The following KCTD7 variants were observed in gnomAD, a reference collection of about 807,000 sequenced individuals.
KCTD7 encodes BTB/POZ domain-containing protein KCTD7.
Under a neutral mutation model 27.0 loss-of-function variants are expected in KCTD7, and 15 were observed. That is an observed-to-expected ratio of 0.56 (90% CI 0.37 to 0.86). KCTD7 has a LOEUF of 0.86. Among genes scored for constraint, KCTD7 ranks in the 40% least tolerant of loss-of-function variants. The pLI is 0.00. For missense variants in KCTD7, 299 were observed against 398.9 expected (o/e 0.75, Z 2.13); for synonymous variants, 159 against 162.7 (o/e 0.98, Z 0.17).
chr7:66,633,351 A>G lies in KCTD7; in HGVS notation c.221A>G (p.Asp74Gly), dbSNP rs776125299. 6.2e-7 allele frequency: 1 copy of G among 1,613,968 alleles called. No homozygotes were observed. Among genetic ancestry groups the G allele is most frequent in the East Asian group, 2.2e-5 (1 of 44,872 alleles). Residue 74 changes from aspartate (D) to glycine (G), a missense_variant, in exon 2 of 4, where the codon GAC becomes GGC. Physicochemically the swap from Asp to Gly is moderately conservative, Grantham distance 94. Coordinates refer to ENST00000639828, the MANE Select transcript of KCTD7 (RefSeq NM_153033.5). The part of the protein sequence containing the change: ...TRLSTLRCYE[D>G]TMLAAMFSGR... ...CTGTCCACACTGCGGTGCTACGAAG[A>G]CACCATGTTGGCAGCCATGTTCAGT... is the stretch of plus-strand genomic sequence containing the variant.
In KCTD7 at chr7:66,641,641, A is replaced by C. The variant is rs1786720205; in HGVS notation, c.*2409A>C. On this transcript the variant is annotated 3_prime_UTR_variant, in exon 4 of 4. Transcript: ENST00000639828. ...TGTATTCTGTGCCACTGTAGGACAC[A>C]AGGCTCTGGGCCAGTAGAACAGGCA... 1.0e-6 allele frequency: 1 copy of C among 985,324 alleles called. No homozygotes were observed. Among genetic ancestry groups the C allele is most frequent in the Non-Finnish European group, 1.2e-6 (1 of 829,946 alleles). The allele number at this position is 985,324 out of a possible 1,614,324, so 61.0% of individuals were successfully genotyped here. A position where few individuals can be genotyped will look rare whatever the true frequency, so the allele number is the denominator to read the frequency against.
At position 66,633,574 on chromosome 7, in the gene KCTD7, G is replaced by T. The variant is rs1351671463; in HGVS notation, c.314+130G>T. The stretch of plus-strand genomic sequence containing the variant: ...GCATATTGATGAAATTTAATAAATG[G>T]GTTTATTGAAAGAGATCAATTTTTT... On this transcript the variant is annotated intron_variant, in intron 2 of 3. Transcript: ENST00000639828. 5 of 943,702 alleles carry T rather than the reference G, an allele frequency of 5.3e-6. No homozygotes were observed. The South Asian group carries it at 7.1e-5, about 13-fold the overall frequency. 58.5% of individuals were successfully genotyped at this position (943,702 alleles called of 1,614,324 possible).
Position 66,639,295 on chromosome 7 carries a change from G to T in KCTD7, c.*63G>T, listed in dbSNP as rs1037925062. On this transcript the variant is annotated 3_prime_UTR_variant, in exon 4 of 4. Transcript: ENST00000639828. ...TCCACCTTGCTTGGTGGCTCTGGGAGTAAGATCCCTGAAGGGGCTGCTGAC... is the reference window on the plus strand; with the variant it reads ...TCCACCTTGCTTGGTGGCTCTGGGATTAAGATCCCTGAAGGGGCTGCTGAC... 32 of 1,599,724 alleles carry T rather than the reference G, an allele frequency of 2.0e-5. No individual in the cohort carries two copies. The highest frequency in any genetic ancestry group is 3.3e-5 in the Admixed American group (2 of 59,984).
rs146147853 is a variant in KCTD7 at position 66,633,174 on chromosome 7, T to C, written c.145-101T>C. 37 of 1,209,042 alleles carry C rather than the reference T, an allele frequency of 3.1e-5. No individual in the cohort carries two copies. In the African/African-American group the frequency reaches 5.4e-4, roughly 18 times the overall value. The allele number at this position is 1,209,042 out of a possible 1,614,324, so 74.9% of individuals were successfully genotyped here. ...GGACCCGTGGGCTTGAGTGACTGAATGAATGGTGTGGCACCAATCAGACCC... is the reference window on the plus strand; with the variant it reads ...GGACCCGTGGGCTTGAGTGACTGAACGAATGGTGTGGCACCAATCAGACCC... On this transcript the variant is annotated intron_variant, in intron 1 of 3. Transcript: ENST00000639828.
chr7:66,632,597 T>C (rs1786477744), intron 1 of KCTD7, among the ~76,000 whole-genome samples: 1 of 152,034 alleles, frequency 6.6e-6, no homozygotes, highest in Non-Finnish European at 1.5e-5. Context: ...ACTTGCCATA[T>C]AGACAGAAGA....
Position 66,641,933 on chromosome 7 carries a change from GCTT to G in KCTD7, c.*2704_*2706del. 1.0e-6 allele frequency: 1 copy of G among 985,278 alleles called. No individual in the cohort carries two copies. Among genetic ancestry groups the G allele is most frequent in the Non-Finnish European group, 1.2e-6 (1 of 829,934 alleles). 61.0% of individuals were successfully genotyped at this position (985,278 alleles called of 1,614,324 possible). ...GGAAGGAAGGCTCCAAAGGATGAAA[GCTT>G]CTCCCTGATCATAAGGAAGTGCATC... On this transcript the variant is annotated 3_prime_UTR_variant, in exon 4 of 4. Coordinates refer to ENST00000639828, the MANE Select transcript of KCTD7 (RefSeq NM_153033.5).
At position 66,629,369 on chromosome 7, in the gene KCTD7, T is replaced by TTCACCCCTACCCACCC. The variant is rs1786392805; in HGVS notation, c.144+161_144+162insTCACCCCTACCCACCC. On this transcript the variant is annotated intron_variant, in intron 1 of 3. Transcript: ENST00000639828. ...CCCACCTGCAACTCCCCCGCCCACC[T>TTCACCCCTACCCACCC]GCACCCCTACCCACCCACCTTCAAC... 5.1e-5 allele frequency among the ~76,000 whole-genome samples: 3 copies of TTCACCCCTACCCACCC among 59,054 alleles called. No homozygotes were observed. The East Asian group carries it at 1.2e-3, about 23-fold the overall frequency. 38.7% of individuals were successfully genotyped at this position (59,054 alleles called of 152,430 possible).
Position 66,641,143 on chromosome 7 carries a change from C to G in KCTD7, c.*1911C>G, listed in dbSNP as rs565110569. ...TCATTCACGTTCTGAGATATGCGCT[C>G]TCTCTATTGTTCTCGTACACAAAGG... is the stretch of plus-strand genomic sequence containing the variant. On this transcript the variant is annotated 3_prime_UTR_variant, in exon 4 of 4. Coordinates refer to ENST00000639828, the MANE Select transcript of KCTD7 (RefSeq NM_153033.5). 3.0e-6 allele frequency: 3 copies of G among 985,428 alleles called. No homozygotes were observed. The highest frequency in any genetic ancestry group is 9.4e-5 in the South Asian group (2 of 21,286). The allele number at this position is 985,428 out of a possible 1,614,324, so 61.0% of individuals were successfully genotyped here. A position where few individuals can be genotyped will look rare whatever the true frequency, so the allele number is the denominator to read the frequency against.
rs1312738780 is a variant in KCTD7 at position 66,641,038 on chromosome 7, A to G, written c.*1806A>G. 2.0e-6 allele frequency: 2 copies of G among 985,286 alleles called. No individual in the cohort carries two copies. Among genetic ancestry groups the G allele is most frequent in the Non-Finnish European group, 1.2e-6 (1 of 829,956 alleles). 61.0% of individuals were successfully genotyped at this position (985,286 alleles called of 1,614,324 possible). On this transcript the variant is annotated 3_prime_UTR_variant, in exon 4 of 4. Coordinates refer to ENST00000639828, the MANE Select transcript of KCTD7 (RefSeq NM_153033.5). ...TTCCCTATGTGTAAACAAAGATTCC[A>G]GGGCGTGGTTTTGCACTCCTGTTGT...
chr7:66,638,932 C>G lies in KCTD7; in HGVS notation c.570C>G (p.Val190=). 1 of 1,614,192 alleles carries G rather than the reference C, an allele frequency of 6.2e-7. No homozygotes were observed. Among genetic ancestry groups the G allele is most frequent in the South Asian group, 1.1e-5 (1 of 91,090 alleles). ...AGGCCCGCTTTGCCAAGCTCAAGGTCTGTGTCTTCAAGGAGGAGATGCCCA... is the reference window on the plus strand; with the variant it reads ...AGGCCCGCTTTGCCAAGCTCAAGGTGTGTGTCTTCAAGGAGGAGATGCCCA... ...QRKARFAKLK[V]CVFKEEMPIT... is the part of the protein sequence containing the mutation. The change falls in exon 4 of 4, where the codon GTC becomes GTG. Residue 190 remains valine (V), a synonymous_variant. Coordinates refer to ENST00000639828, the MANE Select transcript of KCTD7 (RefSeq NM_153033.5).
Position 66,639,368 on chromosome 7 carries a change from C to T in KCTD7, c.*136C>T. Reference sequence around the variant, plus strand: ...AGAACAGCATCCTGAGGCACAGCTCCCAGGGGACAGAGGTGTAGCTCCAAT... The same window carrying T: ...AGAACAGCATCCTGAGGCACAGCTCTCAGGGGACAGAGGTGTAGCTCCAAT... On this transcript the variant is annotated 3_prime_UTR_variant, in exon 4 of 4. Coordinates refer to ENST00000639828, the MANE Select transcript of KCTD7 (RefSeq NM_153033.5). The T allele has an allele frequency of 6.5e-7, 1 of 1,550,182 alleles. No homozygotes were observed. The highest frequency in any genetic ancestry group is 8.7e-7 in the Non-Finnish European group (1 of 1,153,308).
rs1786376078 is a variant in KCTD7 at position 66,628,962 on chromosome 7, C to T, written c.-103C>T. ...GCCTCTCGCCCCCCTCCGGCCAGCC[C>T]GCAGCCGGCCGCGTCATGCCAGGCG... On this transcript the variant is annotated 5_prime_UTR_variant, in exon 1 of 4. Coordinates refer to ENST00000639828, the MANE Select transcript of KCTD7 (RefSeq NM_153033.5). 8 of 1,238,196 alleles carry T rather than the reference C, an allele frequency of 6.5e-6. No homozygotes were observed. Among genetic ancestry groups the T allele is most frequent in the African/African-American group, 3.2e-5 (2 of 63,276 alleles). The allele number at this position is 1,238,196 out of a possible 1,614,324, so 76.7% of individuals were successfully genotyped here.
downstream of KCTD7, chr7:66,643,110 G>T: frequency 6.1e-6 from 6 of 985,336 alleles, no homozygotes; most frequent in Non-Finnish European, 6.0e-6. Context: ...CCCCCACTTT[G>T]CCAGCAAATA....
chr7:66,628,933 C>A lies in KCTD7; in HGVS notation c.-132C>A, dbSNP rs1786374578. ...GGGAGCCACCGCCCTCCCGCCTGCG[C>A]ACTGCCTCTCGCCCCCCTCCGGCCA... On this transcript the variant is annotated 5_prime_UTR_variant, in exon 1 of 4. Coordinates refer to ENST00000639828, the MANE Select transcript of KCTD7 (RefSeq NM_153033.5). 8.9e-6 allele frequency: 8 copies of A among 899,260 alleles called. No homozygotes were observed. The highest frequency in any genetic ancestry group is 1.1e-5 in the Non-Finnish European group (7 of 658,830). The allele number at this position is 899,260 out of a possible 1,614,324, so 55.7% of individuals were successfully genotyped here.
At position 66,642,811 on chromosome 7, in the gene KCTD7, G is replaced by A. The variant is rs745742791; in HGVS notation, c.*3579G>A. 2.0e-6 allele frequency: 2 copies of A among 985,368 alleles called. No homozygotes were observed. The highest frequency in any genetic ancestry group is 2.4e-6 in the Non-Finnish European group (2 of 829,936). 61.0% of individuals were successfully genotyped at this position (985,368 alleles called of 1,614,324 possible). On this transcript the variant is annotated 3_prime_UTR_variant, in exon 4 of 4. Transcript: ENST00000639828. ...TCATATCTGTGTATATACATACTGA[G>A]TGGGGAAGGATGGGGGTTGGCAGGG...
chr7:66,638,292 C>G lies in KCTD7; in HGVS notation c.354C>G (p.Pro118=). 6.2e-7 allele frequency: 1 copy of G among 1,614,238 alleles called. No homozygotes were observed. The change falls in exon 3 of 4, where the codon CCC becomes CCG. Residue 118 remains proline, a synonymous_variant. Coordinates refer to ENST00000639828, the MANE Select transcript of KCTD7 (RefSeq NM_153033.5). Reference sequence around the variant, plus strand: ...TCCTGCGCTCAGGGGACCTCCCACCCAGGGAGCGTGTTCGAGCTGTGTACA... The same window carrying G: ...TCCTGCGCTCAGGGGACCTCCCACCGAGGGAGCGTGTTCGAGCTGTGTACA... ...LNFLRSGDLP[P]RERVRAVYKE...
Position 66,639,480 on chromosome 7 carries a change from T to C in KCTD7, c.*248T>C, listed in dbSNP as rs1377584364. The C allele has an allele frequency of 1.4e-6, 2 of 1,418,436 alleles. No homozygotes were observed. Among genetic ancestry groups the C allele is most frequent in the Non-Finnish European group, 1.8e-6 (2 of 1,088,256 alleles). 87.9% of individuals were successfully genotyped at this position (1,418,436 alleles called of 1,614,324 possible). ...GCTCACCTGGCCTTTCCTCAAGGCA[T>C]GGTAGTCTTTCCTTGAGGCTGATAG... On this transcript the variant is annotated 3_prime_UTR_variant, in exon 4 of 4. Transcript: ENST00000639828.
intron 1 of KCTD7, among the ~76,000 whole-genome samples, chr7:66,629,824 T>TA (rs1289112197): frequency 1.3e-5 from 2 of 152,184 alleles, no homozygotes; most frequent in Non-Finnish European, 2.9e-5. Flanking sequence ...TGTCTGCACA[T>TA]AAGGGGCAGG....
At position 66,639,027 on chromosome 7, in the gene KCTD7, T is replaced by C. The variant is rs369862253; in HGVS notation, c.665T>C (p.Phe222Ser). 2 of 1,614,054 alleles carry C rather than the reference T, an allele frequency of 1.2e-6. No individual in the cohort carries two copies. The highest frequency in any genetic ancestry group is 1.3e-5 in the African/African-American group (1 of 74,912). ...FERSESDGQL[F>S]EHHCEVDVSF... Reference sequence around the variant, plus strand: ...CGGAGTGAGAGTGACGGGCAGCTTTTTGAGCACCACTGTGAAGTGGATGTG... The same window carrying C: ...CGGAGTGAGAGTGACGGGCAGCTTTCTGAGCACCACTGTGAAGTGGATGTG... The change falls in exon 4 of 4, where the codon TTT (phenylalanine) becomes TCT (serine). Residue 222 changes from phenylalanine (F) to serine (S), a missense_variant. Physicochemically the swap from Phe to Ser is radical, Grantham distance 155. Transcript: ENST00000639828.
Sources: gnomAD v4.1 joint callset for allele counts (sites outside exome capture counted in the v4.1 genomes callset) on GRCh38, gnomAD v4.1.1 for gene constraint, MANE v1.5 for transcripts, NCBI Gene and HGNC (gene_info 2026-07-23, HGNC 2026-07-21) for gene names.